CD72: variants seen among roughly 807,000 people sequenced by gnomAD.
CD72 encodes the protein B-cell differentiation antigen CD72.
A neutral mutation model predicts 50.7 loss-of-function variants in CD72; 28 were observed. That is an observed-to-expected ratio of 0.55 (90% CI 0.41 to 0.76). The LOEUF is 0.76. Ranked by LOEUF, CD72 falls within the 30% of genes least tolerant of loss-of-function variation. CD72 has a pLI of 0.00. For synonymous variants in CD72, 176 were observed against 171.2 expected, an observed-to-expected ratio of 1.03 and a Z score of -0.22; for missense variants, 403 against 420.6, an observed-to-expected ratio of 0.96 and a Z score of 0.37.
At chr9:35,624,036 A>G (rs1204214903), upstream of CD72, among the ~76,000 whole-genome samples, 2 of 151,066 alleles carry the variant, frequency 1.3e-5, no homozygotes, top group Admixed American at 6.6e-5. Flanking sequence ...ACACGATGAA[A>G]CCCCATCTCT....
At chr9:35,610,829 A>G in intron 7 of CD72, 76 bp from the exon 8 acceptor site, 1 of 1,274,800 alleles carries the variant, frequency 7.8e-7, no homozygotes, top group Non-Finnish European at 1.1e-6. Context: ...TCCCCTGTAT[A>G]AAACCTAAAT....
rs1328738782 is a variant in CD72, at chr9:35,610,754, C to T, written c.951-1G>A. On this transcript the variant is annotated splice_acceptor_variant, in intron 7 of 8. Transcript: ENST00000259633. LOFTEE classifies it high-confidence loss of function. ...ACATTTTGAGCTTTGAGCATAAGTC[C>T]TAAAAAGTAGTAAGGTAGAGCTGGG... is the stretch of plus-strand genomic sequence containing the variant. 1 of 1,611,028 alleles carries T rather than the reference C, an allele frequency of 6.2e-7. No individual in the cohort carries two copies. Among genetic ancestry groups the T allele is most frequent in the Non-Finnish European group, 8.5e-7 (1 of 1,178,538 alleles).
At chr9:35,628,738 T>C (rs1330555926) in intron 1 of CD72, among the ~76,000 whole-genome samples, 1 of 152,178 alleles carries the variant, frequency 6.6e-6, no homozygotes, top group Non-Finnish European at 1.5e-5. Flanking sequence ...TGGTGGGAAC[T>C]GGTATATGAA....
chr9:35,635,445 G>A (rs1391282724), intron 1 of CD72, among the ~76,000 whole-genome samples: 4 of 152,030 alleles, frequency 2.6e-5, no homozygotes, highest in African/African-American at 7.3e-5. Context: ...ACCTATTTTG[G>A]GGTTTCAGCA....
chr9:35,619,980 G>A (rs370364317), upstream of CD72, among the ~76,000 whole-genome samples: 8 of 150,576 alleles, frequency 5.3e-5, no homozygotes, highest in African/African-American at 1.9e-4. Context: ...GATACAGAGA[G>A]TGGTATGTGG....
chr9:35,615,887 A>C, intron 5 of CD72, 56 bp downstream of exon 5: 1 of 1,394,310 alleles, frequency 7.2e-7, no homozygotes, highest in South Asian at 1.2e-5. Flanking sequence ...TCCTGCCACT[A>C]CTATCTCCTT....
At chr9:35,619,892 ACT>A (rs1823128899), upstream of CD72, among the ~76,000 whole-genome samples, 1 of 152,140 alleles carries the variant, frequency 6.6e-6, no homozygotes, top group African/African-American at 2.4e-5. Context: ...TTTGAAGCTC[ACT>A]GTTTCCTAAG....
At chr9:35,612,332 C>A (rs1189390273) in intron 6 of CD72, among the ~76,000 whole-genome samples, 1 of 152,174 alleles carries the variant, frequency 6.6e-6, no homozygotes, top group Non-Finnish European at 1.5e-5. Context: ...CACCTATAAT[C>A]CCAGCACTTT....
upstream of CD72, chr9:35,618,417 G>C (rs1823102279): frequency 3.9e-6 from 6 of 1,553,376 alleles, no homozygotes; most frequent in Non-Finnish European, 5.2e-6. Flanking sequence ...TGACTGCACG[G>C]CTTAGCAATT....
intron 1 of CD72, among the ~76,000 whole-genome samples, chr9:35,634,067 T>A (rs140143854): frequency 8.5e-4 from 129 of 152,368 alleles, no homozygotes; most frequent in Non-Finnish European, 6.0e-4. Flanking sequence ...TTTTATTTAC[T>A]GTAATGAGTG....
intron 1 of CD72, among the ~76,000 whole-genome samples, chr9:35,634,658 G>A (rs1221120920): frequency 6.6e-6 from 1 of 152,120 alleles, no homozygotes; most frequent in Non-Finnish European, 1.5e-5. Flanking sequence ...TGGCCAAAAT[G>A]TGACCTTTAG....
At chr9:35,613,252 C>T (rs1386894752) in intron 5 of CD72, among the ~76,000 whole-genome samples, 1 of 152,132 alleles carries the variant, frequency 6.6e-6, no homozygotes, top group Non-Finnish European at 1.5e-5. Flanking sequence ...ACCCCAATTT[C>T]TGAACAATTG....
At chr9:35,639,781 A>G (rs138185383) in intron 1 of CD72, among the ~76,000 whole-genome samples, 5 of 152,286 alleles carry the variant, frequency 3.3e-5, no homozygotes, top group African/African-American at 7.2e-5. Flanking sequence ...TTTTGCAACA[A>G]TATGGCAGGT....
At chr9:35,621,250 T>C (rs1823144558), upstream of CD72, among the ~76,000 whole-genome samples, 1 of 152,202 alleles carries the variant, frequency 6.6e-6, no homozygotes, top group Non-Finnish European at 1.5e-5. Context: ...CTAACACCCA[T>C]GTTTTGCCCT....
intron 1 of CD72, among the ~76,000 whole-genome samples, chr9:35,627,291 A>C (rs762708351): frequency 1.7e-4 from 25 of 150,896 alleles, no homozygotes; most frequent in Non-Finnish European, 3.2e-4. Flanking sequence ...GGACAGGCTA[A>C]ATTTTTTTTT....
At chr9:35,641,610 T>C (rs1380064286) in intron 1 of CD72, among the ~76,000 whole-genome samples, 1 of 152,212 alleles carries the variant, frequency 6.6e-6, no homozygotes, top group African/African-American at 2.4e-5. Flanking sequence ...AACTATGTCT[T>C]CTTGAGGTTC....
At chr9:35,634,752 C>T (rs1249628691) in intron 1 of CD72, among the ~76,000 whole-genome samples, 1 of 152,182 alleles carries the variant, frequency 6.6e-6, no homozygotes, top group Non-Finnish European at 1.5e-5. Flanking sequence ...TTACCTTCCC[C>T]TTATCCCCAC....
chr9:35,632,954 A>G (rs867852354), intron 1 of CD72, among the ~76,000 whole-genome samples: 2 of 138,764 alleles, frequency 1.4e-5, no homozygotes, highest in Admixed American at 7.2e-5. Context: ...TTTTTGAGAC[A>G]GGGTGTGGCT....
At chr9:35,637,296 T>C (rs992107819) in intron 1 of CD72, among the ~76,000 whole-genome samples, 2 of 152,208 alleles carry the variant, frequency 1.3e-5, no homozygotes, top group Non-Finnish European at 1.5e-5. Flanking sequence ...GCCTTATTGC[T>C]CACACAAAGC....
Sources: allele counts gnomAD v4.1 joint callset (sites outside exome capture counted in the v4.1 genomes callset), GRCh38; gene constraint gnomAD v4.1.1; transcripts MANE v1.5; gene names NCBI Gene and HGNC (gene_info 2026-07-23, HGNC 2026-07-21).